The following PTPRM variants were observed in gnomAD, a reference collection of about 807,000 sequenced individuals.
PTPRM encodes the protein receptor-type tyrosine-protein phosphatase mu.
PTPRM carries 47 observed loss-of-function variants against 186.7 expected under a neutral mutation model. The ratio of observed to expected loss-of-function variants is 0.25; its 90% CI spans 0.20 to 0.32. PTPRM has a LOEUF of 0.32. Ranked by LOEUF, PTPRM falls within the 10% of genes least tolerant of loss-of-function variation. The pLI is 1.00. For missense variants in PTPRM, 1,494 were observed against 1,865.0 expected (o/e 0.80, Z 3.66); for synonymous variants, 668 against 674.9 (o/e 0.99, Z 0.16).
chr18:7,834,499 C>CACACACACACAT (rs2045931518), intron 2 of PTPRM, among the ~76,000 whole-genome samples: 1 of 141,700 alleles, frequency 7.1e-6, no homozygotes, highest in Admixed American at 6.9e-5. Flanking sequence ...TATACACACA[C>CACACACACACAT]ACACACACAC....
At chr18:7,917,807 A>G (rs944186414) in intron 4 of PTPRM, among the ~76,000 whole-genome samples, 21 of 152,108 alleles carry the variant, frequency 1.4e-4, no homozygotes, top group African/African-American at 4.8e-4. Context: ...GTACCCATTA[A>G]TCAACTGCTC....
chr18:8,334,845 G>C (rs1486830475), intron 22 of PTPRM, among the ~76,000 whole-genome samples: 1 of 152,036 alleles, frequency 6.6e-6, no homozygotes, highest in Non-Finnish European at 1.5e-5. Flanking sequence ...TTGGATAGCT[G>C]GGCTCAGTTT....
intron 14 of PTPRM, among the ~76,000 whole-genome samples, chr18:8,209,611 C>A (rs987154804): frequency 2.0e-5 from 3 of 151,968 alleles, no homozygotes; most frequent in African/African-American, 7.3e-5. Context: ...AAGTCCTAAC[C>A]CCCAGTACCT....
Position 8,167,552 on chromosome 18 carries a change from G to A in PTPRM, c.2300+23773G>A, listed in dbSNP as rs117403375. On this transcript the variant is annotated intron_variant, in intron 14 of 32. Coordinates refer to ENST00000580170, the MANE Select transcript of PTPRM (RefSeq NM_001105244.2). ...CTGAGAGAAGCAAATAAGGCTGCCC[G>A]TCTGTGGATGGAGCAGGCTCCAGCG... Among the ~76,000 whole-genome samples, 12 of 152,310 alleles carry A rather than the reference G, an allele frequency of 7.9e-5. No individual in the cohort carries two copies. The East Asian group carries it at 1.5e-3, about 20-fold the overall frequency.
chr18:8,137,869 A>C (rs533223529), intron 13 of PTPRM, among the ~76,000 whole-genome samples: 1 of 151,718 alleles, frequency 6.6e-6, no homozygotes, highest in African/African-American at 2.4e-5. Flanking sequence ...CCCCAGCTGG[A>C]CTCTGTAGCT....
intron 32 of PTPRM, among the ~76,000 whole-genome samples, chr18:8,398,871 A>G (rs76811079): frequency 0.025 from 3,817 of 152,062 alleles, 58 homozygotes; most frequent in African/African-American, 0.037. Context: ...TGAGACAGAA[A>G]GTAGAGTAGT....
At chr18:8,240,474 G>GGAGGGAGA (rs2094403525) in intron 14 of PTPRM, among the ~76,000 whole-genome samples, 1 of 43,644 alleles carries the variant, frequency 2.3e-5, no homozygotes, top group African/African-American at 1.1e-4. Flanking sequence ...AGGGAGGGAG[G>GGAGGGAGA]GAGGGGAGGA....
chr18:7,965,790 C>T (rs913985853), intron 7 of PTPRM, among the ~76,000 whole-genome samples: 1 of 152,172 alleles, frequency 6.6e-6, no homozygotes, highest in African/African-American at 2.4e-5. Context: ...TATCCATGCT[C>T]CTCTCAGCAC....
chr18:8,138,587 A>G (rs1397222607), intron 13 of PTPRM, among the ~76,000 whole-genome samples: 1 of 152,118 alleles, frequency 6.6e-6, no homozygotes, highest in Non-Finnish European at 1.5e-5. Context: ...AAATGAAGCC[A>G]TCAAAAGAGA....
At chr18:7,571,183 G>C (rs902552198) in intron 1 of PTPRM, among the ~76,000 whole-genome samples, 1 of 152,004 alleles carries the variant, frequency 6.6e-6, no homozygotes, top group East Asian at 1.9e-4. Flanking sequence ...CTTGTGATCT[G>C]CCTGCCTTGG....
intron 2 of PTPRM, among the ~76,000 whole-genome samples, chr18:7,854,470 C>T (rs1283327330): frequency 6.6e-6 from 1 of 152,058 alleles, no homozygotes; most frequent in African/African-American, 2.4e-5. Context: ...GAAATGGAGC[C>T]TAATTTCATT....
chr18:8,186,480 G>A (rs1035219708), intron 14 of PTPRM, among the ~76,000 whole-genome samples: 1 of 152,180 alleles, frequency 6.6e-6, no homozygotes, highest in African/African-American at 2.4e-5. Context: ...AACTTTAGCT[G>A]TAGCTTCGTA....
At chr18:8,363,524 C>A (rs1202240658) in intron 23 of PTPRM, among the ~76,000 whole-genome samples, 3 of 152,184 alleles carry the variant, frequency 2.0e-5, no homozygotes, top group Non-Finnish European at 4.4e-5. Flanking sequence ...CTAATAATGT[C>A]ATTGCTCAAA....
chr18:8,332,755 C>T (rs1050270164), intron 22 of PTPRM, among the ~76,000 whole-genome samples: 1 of 152,212 alleles, frequency 6.6e-6, no homozygotes. Flanking sequence ...GGAAACCCTA[C>T]TCCAGTTGAG....
chr18:8,157,999 G>A (rs958292844), intron 14 of PTPRM, among the ~76,000 whole-genome samples: 22 of 152,152 alleles, frequency 1.4e-4, no homozygotes, highest in Non-Finnish European at 8.8e-5. Flanking sequence ...GCAGGAGGTC[G>A]AAGGCCCTGT....
rs1346426324 is a variant in PTPRM at position 8,362,215 on chromosome 18, C to T, written c.3055-8675C>T. Reference sequence around the variant, plus strand: ...AGCTCTGCCATATCCGACCTACTCACACATCCCTTGTCGCAATTAGTTCGC... The same window carrying T: ...AGCTCTGCCATATCCGACCTACTCATACATCCCTTGTCGCAATTAGTTCGC... On this transcript the variant is annotated intron_variant, in intron 23 of 32. Coordinates refer to ENST00000580170, the MANE Select transcript of PTPRM (RefSeq NM_001105244.2). Among the ~76,000 whole-genome samples the T allele has an allele frequency of 3.3e-5, 5 of 152,332 alleles. No individual in the cohort carries two copies. The East Asian group carries it at 9.7e-4, about 29-fold the overall frequency.
At chr18:8,314,979 C>T in intron 21 of PTPRM, 122 bp downstream of exon 21, 1 of 597,116 alleles carries the variant, frequency 1.7e-6, no homozygotes, top group Non-Finnish European at 2.8e-6. Context: ...ACTCAGTAAA[C>T]CCAACCATTC....
intron 7 of PTPRM, among the ~76,000 whole-genome samples, chr18:8,055,272 C>G (rs1354945257): frequency 6.6e-6 from 1 of 152,100 alleles, no homozygotes; most frequent in Non-Finnish European, 1.5e-5. Context: ...TAGATACACC[C>G]TCTAATTTTG....
At chr18:8,256,129 A>T (rs536905250) in intron 19 of PTPRM, among the ~76,000 whole-genome samples, 1 of 152,318 alleles carries the variant, frequency 6.6e-6, no homozygotes, top group South Asian at 2.1e-4. Flanking sequence ...ATCATGCTGT[A>T]AAGTCTGCAT....
Sources: allele counts gnomAD v4.1 joint callset (sites outside exome capture counted in the v4.1 genomes callset), GRCh38; gene constraint gnomAD v4.1.1; transcripts MANE v1.5; gene names NCBI Gene and HGNC (gene_info 2026-07-23, HGNC 2026-07-21).